CELF2: variants seen among roughly 807,000 people sequenced by gnomAD.
CELF2 encodes CUG triplet repeat RNA-binding protein 2.
A neutral mutation model predicts 62.6 loss-of-function variants in CELF2; 8 were observed. That is an observed-to-expected ratio of 0.13 (90% CI 0.07 to 0.23). The LOEUF (loss-of-function observed/expected upper bound fraction) is 0.23, where lower values mean the gene tolerates loss of function less well. CELF2 is among the 10% of genes least tolerant of loss of function. CELF2 has a pLI of 1.00. For synonymous variants in CELF2, 258 were observed against 250.0 expected (o/e 1.03, Z -0.30); for missense variants, 333 against 671.0 (o/e 0.50, Z 5.56).
the CELF2 span, among the ~76,000 whole-genome samples, chr10:10,471,207 T>C: frequency 6.6e-6 from 1 of 151,768 alleles, no homozygotes; most frequent in African/African-American, 2.4e-5. Flanking sequence ...AAAGAATGAG[T>C]ATTCCACAGT....
chr10:11,135,947 A>T (rs1437485654), intron 1 of CELF2, among the ~76,000 whole-genome samples: 4 of 152,178 alleles, frequency 2.6e-5, no homozygotes, highest in African/African-American at 9.7e-5. Flanking sequence ...GTTGGACCAC[A>T]CTCATGAGTA....
chr10:10,601,797 G>T, the CELF2 span, among the ~76,000 whole-genome samples: 1 of 151,110 alleles, frequency 6.6e-6, no homozygotes, highest in East Asian at 2.0e-4. Flanking sequence ...ACAGTTCAAC[G>T]TGTGCCATGG....
the CELF2 span, among the ~76,000 whole-genome samples, chr10:10,697,827 A>T: frequency 6.6e-6 from 1 of 152,130 alleles, no homozygotes; most frequent in Non-Finnish European, 1.5e-5. Flanking sequence ...TTGCTCTGTC[A>T]CCCAGGCTGG....
chr10:10,492,136 T>C, the CELF2 span, among the ~76,000 whole-genome samples: 26 of 152,224 alleles, frequency 1.7e-4, no homozygotes, highest in African/African-American at 6.3e-4. Flanking sequence ...ACCAACATCA[T>C]TAAGCACTTG....
chr10:11,086,206 T>C (rs574076618), intron 1 of CELF2, among the ~76,000 whole-genome samples: 3 of 152,214 alleles, frequency 2.0e-5, no homozygotes, highest in South Asian at 4.2e-4. Flanking sequence ...AAGACCCTTA[T>C]AGCTATAGGG....
intron 1 of CELF2, among the ~76,000 whole-genome samples, chr10:10,876,909 T>C (rs1456411791): frequency 1.3e-5 from 2 of 152,266 alleles, no homozygotes; most frequent in Non-Finnish European, 2.9e-5. Context: ...CAACACATGG[T>C]TGCATGTATG....
Position 11,290,137 on chromosome 10 carries a change from C to T in CELF2, c.976+1585C>T, listed in dbSNP as rs984732328. Among the ~76,000 whole-genome samples, 1 of 152,182 alleles carries T rather than the reference C, an allele frequency of 6.6e-6. No individual in the cohort carries two copies. The highest frequency in any genetic ancestry group is 1.5e-5 in the Non-Finnish European group (1 of 68,030). On this transcript the variant is annotated intron_variant, in intron 9 of 12. Coordinates refer to ENST00000633077, the MANE Select transcript of CELF2 (RefSeq NM_001326342.2). This position sits in a 1 kb window ranked among gnomAD's most constrained non-coding sequence, Gnocchi z 4.3. Reference sequence around the variant, plus strand: ...ACTCAAAAATCATATCCCAAAAGCGCTTTGTGGTGTGAGCAGGACAGATGT... The same window carrying T: ...ACTCAAAAATCATATCCCAAAAGCGTTTTGTGGTGTGAGCAGGACAGATGT...
At chr10:10,747,221 C>T in the CELF2 span, among the ~76,000 whole-genome samples, 19 of 152,318 alleles carry the variant, frequency 1.2e-4, no homozygotes, top group Admixed American at 6.5e-4. Flanking sequence ...CATCCCTACC[C>T]ACACTGGGGT....
At chr10:10,757,822 C>G in the CELF2 span, among the ~76,000 whole-genome samples, 1 of 152,330 alleles carries the variant, frequency 6.6e-6, no homozygotes. Flanking sequence ...CCTTGTTATC[C>G]TGCTGCTGAA....
chr10:10,992,628 T>G (rs1564325937), intron 2 of CELF2, among the ~76,000 whole-genome samples: 2 of 152,186 alleles, frequency 1.3e-5, no homozygotes, highest in African/African-American at 4.8e-5. Context: ...CGGAGAAATA[T>G]TTCAGAAGAG....
chr10:10,665,047 T>C, the CELF2 span, among the ~76,000 whole-genome samples: 3 of 152,248 alleles, frequency 2.0e-5, no homozygotes, highest in Admixed American at 6.5e-5. Context: ...AATCATGTAG[T>C]GTTGCCTTCT....
chr10:10,939,310 C>G (rs552185767), intron 2 of CELF2, among the ~76,000 whole-genome samples: 2 of 129,048 alleles, frequency 1.5e-5, no homozygotes, highest in South Asian at 4.5e-4. Flanking sequence ...GTTGTTGAGA[C>G]GGAGTCTCGC....
At chr10:10,747,903 G>C in the CELF2 span, among the ~76,000 whole-genome samples, 1 of 151,986 alleles carries the variant, frequency 6.6e-6, no homozygotes, top group Non-Finnish European at 1.5e-5. Context: ...GTAGAGATGG[G>C]GTTTCACCAC....
chr10:10,561,972 A>G, the CELF2 span, among the ~76,000 whole-genome samples: 1 of 152,142 alleles, frequency 6.6e-6, no homozygotes, highest in African/African-American at 2.4e-5. Context: ...CTAGAGAGTG[A>G]TGCGATACCA....
At chr10:11,128,313 G>A (rs528402716) in intron 1 of CELF2, among the ~76,000 whole-genome samples, 16 of 152,206 alleles carry the variant, frequency 1.1e-4, no homozygotes, top group African/African-American at 2.9e-4. Flanking sequence ...GTCAGGTAGT[G>A]TGATGCCTCC....
chr10:10,729,725 G>T, the CELF2 span, among the ~76,000 whole-genome samples: 3 of 151,698 alleles, frequency 2.0e-5, no homozygotes, highest in Non-Finnish European at 2.9e-5. Context: ...GGTGCAGTAA[G>T]CCGAGATCAT....
rs1014472566 is a variant in CELF2, at chr10:11,159,737, C to T, written c.75-5749C>T. ...GAGGCACCAGGCCCATCGCCAGGTT[C>T]TTTCTGCTTTTGCCTTAAGCAGCTG... On this transcript the variant is annotated intron_variant, in intron 1 of 12. Coordinates refer to ENST00000633077, the MANE Select transcript of CELF2 (RefSeq NM_001326342.2). This position sits in a 1 kb window ranked among gnomAD's most constrained non-coding sequence, Gnocchi z 5.0. Among the ~76,000 whole-genome samples the T allele has an allele frequency of 6.6e-6, 1 of 152,244 alleles. No homozygotes were observed. The highest frequency in any genetic ancestry group is 1.5e-5 in the Non-Finnish European group (1 of 68,054).
chr10:11,072,574 A>G (rs539590669), intron 1 of CELF2, among the ~76,000 whole-genome samples: 4 of 152,330 alleles, frequency 2.6e-5, no homozygotes, highest in East Asian at 1.9e-4. Flanking sequence ...TCTGGGTAAC[A>G]TAGCAGATTC....
chr10:11,242,549 C>G lies in CELF2; in HGVS notation c.355-6604C>G, dbSNP rs532907682. On this transcript the variant is annotated intron_variant, in intron 3 of 12. Transcript: ENST00000633077. The surrounding 1 kb of genome is among the most constrained non-coding windows in gnomAD (Gnocchi z 4.8). The stretch of plus-strand genomic sequence containing the variant: ...CTCCGTGGCCAGCTTCACGGCGGCA[C>G]CAGGTGGTGACAGCTGTTGGCAGAG... 6.6e-6 allele frequency among the ~76,000 whole-genome samples: 1 copy of G among 152,314 alleles called. No homozygotes were observed. Among genetic ancestry groups the G allele is most frequent in the Non-Finnish European group, 1.5e-5 (1 of 68,022 alleles).
Sources: allele counts gnomAD v4.1 joint callset (sites outside exome capture counted in the v4.1 genomes callset), GRCh38; gene constraint gnomAD v4.1.1; non-coding constraint Gnocchi (gnomAD v3.1); transcripts MANE v1.5; gene names NCBI Gene and HGNC (gene_info 2026-07-23, HGNC 2026-07-21).